NOX4: variants seen among roughly 807,000 people sequenced by gnomAD.
The protein encoded by NOX4 is NADPH oxidase 4.
In NOX4, 69 loss-of-function variants were observed where a neutral mutation model predicts 87.6. The observed-to-expected ratio is 0.79, with a 90% CI of 0.65 to 0.96. The LOEUF is 0.96. NOX4 is among the 40% of genes least tolerant of loss of function. The probability of loss-of-function intolerance (pLI) is 0.00; values close to 1 mark genes in which losing one functional copy is unlikely to be tolerated. For synonymous variants in NOX4, 275 were observed against 238.2 expected (o/e 1.15, Z -1.42); for missense variants, 680 against 681.5 (o/e 1.00, Z 0.02).
chr11:89,553,472 A>G, the NOX4 span, among the ~76,000 whole-genome samples: 2 of 152,156 alleles, frequency 1.3e-5, no homozygotes, highest in Non-Finnish European at 2.9e-5. Flanking sequence ...TTTATAAATT[A>G]CCCAGTTTCA....
At chr11:89,452,920 C>T (rs373904322) in intron 2 of NOX4, among the ~76,000 whole-genome samples, 194 of 151,984 alleles carry the variant, frequency 1.3e-3, no homozygotes, top group South Asian at 9.5e-3. Context: ...GTAATGCACC[C>T]GCAGTTCCAG....
At chr11:89,548,050 C>T in the NOX4 span, 3 of 151,586 alleles carry the variant, frequency 2.0e-5, no homozygotes, top group East Asian at 3.9e-4. Context: ...TTAGGAGATA[C>T]TAGATGAGAT....
the NOX4 span, among the ~76,000 whole-genome samples, chr11:89,575,754 T>C: frequency 1.3e-5 from 2 of 152,230 alleles, no homozygotes; most frequent in Middle Eastern, 3.4e-3. Context: ...TCTTCCTCCT[T>C]CTTCTTTCTT....
At chr11:89,503,909 C>T in the NOX4 span, among the ~76,000 whole-genome samples, 5 of 148,128 alleles carry the variant, frequency 3.4e-5, no homozygotes, top group South Asian at 2.2e-4. Context: ...GACATGATCC[C>T]TATCCTTCTA....
At chr11:89,416,756 C>G (rs1010048708) in intron 8 of NOX4, among the ~76,000 whole-genome samples, 4 of 152,080 alleles carry the variant, frequency 2.6e-5, no homozygotes, top group African/African-American at 9.7e-5. Flanking sequence ...TTTTTAAAAA[C>G]ATGCACATAA....
At chr11:89,582,084 A>T in the NOX4 span, among the ~76,000 whole-genome samples, 1 of 152,058 alleles carries the variant, frequency 6.6e-6, no homozygotes, top group Non-Finnish European at 1.5e-5. Flanking sequence ...TATTAGGTTG[A>T]CTATTTTAGA....
intron 2 of NOX4, chr11:89,488,798 T>A (rs370079239): frequency 1.9e-6 from 1 of 517,356 alleles, no homozygotes; most frequent in East Asian, 3.0e-5. Context: ...AAGTTACACC[T>A]AATGGGGAAA....
At chr11:89,572,020 AATAC>A in the NOX4 span, among the ~76,000 whole-genome samples, 3 of 152,142 alleles carry the variant, frequency 2.0e-5, no homozygotes, top group Non-Finnish European at 4.4e-5. Context: ...GACTCAAAAG[AATAC>A]AGTCTTTTGC....
At chr11:89,462,780 G>T (rs111473954) in intron 2 of NOX4, among the ~76,000 whole-genome samples, 1 of 151,852 alleles carries the variant, frequency 6.6e-6, no homozygotes, top group Admixed American at 6.6e-5. Flanking sequence ...GGACATTAGC[G>T]TAGGTATGGA....
At chr11:89,378,392 T>C (rs559051419) in intron 11 of NOX4, among the ~76,000 whole-genome samples, 1 of 152,304 alleles carries the variant, frequency 6.6e-6, no homozygotes, top group African/African-American at 2.4e-5. Flanking sequence ...TTCATAAAGA[T>C]ATCCTAATTT....
chr11:89,373,642 G>A, intron 11 of NOX4, 150 bp from the exon 12 acceptor site: 4 of 513,990 alleles, frequency 7.8e-6, no homozygotes, highest in South Asian at 3.6e-5. Context: ...CTTATTAGTG[G>A]AAGAAAAAAA....
chr11:89,348,125 C>T (rs960679899), intron 13 of NOX4, among the ~76,000 whole-genome samples: 27 of 152,030 alleles, frequency 1.8e-4, no homozygotes, highest in Non-Finnish European at 1.3e-4. Context: ...AGTGATAAGA[C>T]CTATGTCTCT....
At chr11:89,527,393 T>C in the NOX4 span, among the ~76,000 whole-genome samples, 1 of 152,148 alleles carries the variant, frequency 6.6e-6, no homozygotes, top group Non-Finnish European at 1.5e-5. Context: ...GAAATGTGCA[T>C]AAGTAATGAA....
intron 2 of NOX4, among the ~76,000 whole-genome samples, chr11:89,453,561 TA>T (rs1455834193): frequency 6.6e-6 from 1 of 152,168 alleles, no homozygotes; most frequent in African/African-American, 2.4e-5. Context: ...CATAACGGAA[TA>T]AAAATGCAGA....
At chr11:89,579,280 G>C in the NOX4 span, among the ~76,000 whole-genome samples, 1 of 152,104 alleles carries the variant, frequency 6.6e-6, no homozygotes, top group African/African-American at 2.4e-5. Context: ...AACACCAAGA[G>C]TAAATCCTGA....
chr11:89,337,603 T>A, intron 15 of NOX4, 88 bp from the exon 16 acceptor site: 1 of 1,561,636 alleles, frequency 6.4e-7, no homozygotes, highest in South Asian at 1.2e-5. Context: ...GATTCTAGAA[T>A]TTAACACAAC....
At chr11:89,391,687 C>G (rs948635819) in intron 11 of NOX4, among the ~76,000 whole-genome samples, 15 of 149,078 alleles carry the variant, frequency 1.0e-4, no homozygotes, top group African/African-American at 3.7e-4. Context: ...TTGGAGTGAG[C>G]CATGATCACA....
intron 11 of NOX4, among the ~76,000 whole-genome samples, chr11:89,386,994 A>G (rs568853044): frequency 2.2e-4 from 33 of 152,064 alleles, no homozygotes; most frequent in African/African-American, 6.7e-4. Context: ...ACAATCCCAC[A>G]ATATCACCCC....
chr11:89,342,145 G>T lies in NOX4; in HGVS notation c.1266C>A (p.Asn422Lys). The T allele has an allele frequency of 6.2e-7, 1 of 1,612,832 alleles. No homozygotes were observed. The highest frequency in any genetic ancestry group is 8.5e-7 in the Non-Finnish European group (1 of 1,178,940). ...PFGSPFEESL[N>K]YEVSLCVAGG... ...CAGCCACGCAGAGGCTGACCTCATA[G>T]TTCAGTGATTCCTCAAATGGACTTC... The change falls in exon 14 of 18, where the codon AAC becomes AAA. Residue 422 changes from asparagine (N) to lysine (K), a missense_variant. Coordinates refer to ENST00000263317, the MANE Select transcript of NOX4 (RefSeq NM_016931.5).
Sources: gnomAD v4.1 joint callset for allele counts (sites outside exome capture counted in the v4.1 genomes callset) on GRCh38, gnomAD v4.1.1 for gene constraint, MANE v1.5 for transcripts, NCBI Gene and HGNC (gene_info 2026-07-23, HGNC 2026-07-21) for gene names.